TIMP2: variants seen among roughly 807,000 people sequenced by gnomAD.
The protein encoded by TIMP2 is metalloproteinase inhibitor 2.
Under a neutral mutation model 24.3 loss-of-function variants are expected in TIMP2, and 5 were observed. That is an observed-to-expected ratio of 0.21 (90% CI 0.11 to 0.43). TIMP2 has a LOEUF of 0.43. TIMP2 is among the 20% of genes least tolerant of loss of function. The pLI is 1.00. For synonymous variants in TIMP2, 130 were observed against 123.2 expected, an observed-to-expected ratio of 1.06 and a Z score of -0.37; for missense variants, 221 against 297.5, an observed-to-expected ratio of 0.74 and a Z score of 1.89.
At chr17:78,895,544 T>C (rs2069986514) in intron 1 of TIMP2, among the ~76,000 whole-genome samples, 1 of 152,028 alleles carries the variant, frequency 6.6e-6, no homozygotes, top group Non-Finnish European at 1.5e-5. Context: ...GAATGGAAAA[T>C]GGTGCAGCCA....
At chr17:78,906,332 C>T (rs185927805) in intron 1 of TIMP2, among the ~76,000 whole-genome samples, 4 of 152,108 alleles carry the variant, frequency 2.6e-5, no homozygotes, top group African/African-American at 9.7e-5. Context: ...CATGCCACTG[C>T]ACTCCAGCCT....
chr17:78,854,314 T>C lies in TIMP2; in HGVS notation c.*1353A>G, dbSNP rs1599142212. 6.6e-6 allele frequency: 1 copy of C among 152,012 alleles called. No individual in the cohort carries two copies. The highest frequency in any genetic ancestry group is 2.1e-4 in the South Asian group (1 of 4,796). 9.4% of individuals were successfully genotyped at this position (152,012 alleles called of 1,614,324 possible). ...AAAGTTCTTCCTATCCTAACCCCCATATCACTGGCTTCAGGAAACCACACT... is the reference window on the plus strand; with the variant it reads ...AAAGTTCTTCCTATCCTAACCCCCACATCACTGGCTTCAGGAAACCACACT... On this transcript the variant is annotated 3_prime_UTR_variant, in exon 5 of 5. Transcript: ENST00000262768.
chr17:78,909,711 A>C (rs1168644347), intron 1 of TIMP2, among the ~76,000 whole-genome samples: 2 of 152,092 alleles, frequency 1.3e-5, no homozygotes, highest in East Asian at 3.9e-4. Context: ...GTTTCTGTAC[A>C]TGCTCTAGAC....
chr17:78,918,843 T>TA (rs778510371), intron 1 of TIMP2, among the ~76,000 whole-genome samples: 5 of 151,670 alleles, frequency 3.3e-5, no homozygotes, highest in Admixed American at 6.6e-5. Context: ...TACAAAAAAT[T>TA]AAAAAAATTA....
intron 3 of TIMP2, among the ~76,000 whole-genome samples, chr17:78,863,501 C>CA (rs2069583903): frequency 6.6e-6 from 1 of 152,198 alleles, no homozygotes; most frequent in African/African-American, 2.4e-5. Flanking sequence ...CTCAGCCTCT[C>CA]AAAGTGCTGG....
intron 1 of TIMP2, among the ~76,000 whole-genome samples, chr17:78,893,162 T>TGTGTGTGCATACATGTGTGTGCAGGG (rs1323782255): frequency 1.4e-5 from 2 of 139,498 alleles, no homozygotes; most frequent in Non-Finnish European, 3.1e-5. Flanking sequence ...TGTGCAGGGG[T>TGTGTGTGCATACATGTGTGTGCAGGG]GTGTGTGCAT....
chr17:78,892,407 G>T, intron 1 of TIMP2: 1 of 1,550,544 alleles, frequency 6.4e-7, no homozygotes, highest in Non-Finnish European at 8.7e-7. Context: ...GAGGGTTCAA[G>T]GGGCGCCCCC....
intron 3 of TIMP2, among the ~76,000 whole-genome samples, chr17:78,859,272 T>C (rs1177957073): frequency 6.6e-6 from 1 of 152,154 alleles, no homozygotes; most frequent in African/African-American, 2.4e-5. Context: ...ACATTGGCAA[T>C]AGCCTTGGCG....
chr17:78,858,668 G>C (rs2069544856), intron 3 of TIMP2, among the ~76,000 whole-genome samples: 1 of 152,006 alleles, frequency 6.6e-6, no homozygotes, highest in South Asian at 2.1e-4. Flanking sequence ...CTATAGGTGT[G>C]AACCACTACA....
intron 1 of TIMP2, chr17:78,890,955 G>A: frequency 6.4e-7 from 1 of 1,551,088 alleles, no homozygotes; most frequent in Non-Finnish European, 8.7e-7. Flanking sequence ...AGCGATTCCA[G>A]TTGTTTTTGT....
Position 78,870,881 on chromosome 17 carries a change from G to A in TIMP2, c.340+17C>T. Reference sequence around the variant, plus strand: ...CTTCTGTGCCAGCCTCCGGCTGATGGCCCCACTCATACACACCTGCAATGA... The same window carrying A: ...CTTCTGTGCCAGCCTCCGGCTGATGACCCCACTCATACACACCTGCAATGA... On this transcript the variant is annotated intron_variant, in intron 3 of 4. Transcript: ENST00000262768. 6.2e-7 allele frequency: 1 copy of A among 1,604,654 alleles called. No individual in the cohort carries two copies.
Position 78,855,973 on chromosome 17 carries a change from G to T in TIMP2, c.466-109C>A. 1 of 1,118,742 alleles carries T rather than the reference G, an allele frequency of 8.9e-7. No homozygotes were observed. Among genetic ancestry groups the T allele is most frequent in the Non-Finnish European group, 1.3e-6 (1 of 759,862 alleles). The allele number at this position is 1,118,742 out of a possible 1,614,324, so 69.3% of individuals were successfully genotyped here. A position where few individuals can be genotyped will look rare whatever the true frequency, so the allele number is the denominator to read the frequency against. ...CCGGCAATGTGCCTACCTGTCATGT[G>T]CAGGGATGGCAGCCTCTCCCGAGAC... is the stretch of plus-strand genomic sequence containing the variant. On this transcript the variant is annotated intron_variant, in intron 4 of 4. Coordinates refer to ENST00000262768, the MANE Select transcript of TIMP2 (RefSeq NM_003255.5). The surrounding 1 kb of genome is among the most constrained non-coding windows in gnomAD (Gnocchi z 6.0).
At chr17:78,916,754 C>A (rs556377737) in intron 1 of TIMP2, among the ~76,000 whole-genome samples, 1 of 152,206 alleles carries the variant, frequency 6.6e-6, no homozygotes, top group African/African-American at 2.4e-5. Flanking sequence ...GTCCCACTGC[C>A]GGGCCTCCAG....
intron 1 of TIMP2, among the ~76,000 whole-genome samples, chr17:78,915,542 CAG>C (rs2070249760): frequency 1.3e-5 from 2 of 150,326 alleles, no homozygotes; most frequent in African/African-American, 2.5e-5. Context: ...TTTTTTGAGA[CAG>C]AGTCTCACTC....
chr17:78,894,322 A>T (rs753405678), intron 1 of TIMP2, among the ~76,000 whole-genome samples: 3 of 151,780 alleles, frequency 2.0e-5, no homozygotes, highest in Non-Finnish European at 4.4e-5. Context: ...CCTTTGACCA[A>T]CCTCAGGTGG....
intron 1 of TIMP2, among the ~76,000 whole-genome samples, chr17:78,880,701 G>C (rs116072279): frequency 3.9e-5 from 6 of 152,172 alleles, no homozygotes; most frequent in South Asian, 4.1e-4. Context: ...CCCTGCCTTT[G>C]AAAGAAAAAG....
intron 3 of TIMP2, among the ~76,000 whole-genome samples, chr17:78,862,027 G>A (rs747469837): frequency 1.6e-4 from 24 of 152,186 alleles, no homozygotes; most frequent in Admixed American, 2.6e-4. Context: ...CGAGAAAAGC[G>A]AGGCATGAGT....
At chr17:78,866,873 G>A (rs1000465966) in intron 3 of TIMP2, among the ~76,000 whole-genome samples, 19 of 152,162 alleles carry the variant, frequency 1.2e-4, no homozygotes, top group Non-Finnish European at 2.9e-5. Flanking sequence ...AGGGCTGGGG[G>A]AGGGGGAGGG....
intron 1 of TIMP2, among the ~76,000 whole-genome samples, chr17:78,882,099 G>C (rs1312900947): frequency 6.6e-6 from 1 of 152,192 alleles, no homozygotes; most frequent in Non-Finnish European, 1.5e-5. Flanking sequence ...GGAGTAGCTG[G>C]GATTACAGGT....
Sources: gnomAD v4.1 joint callset for allele counts (sites outside exome capture counted in the v4.1 genomes callset) on GRCh38, gnomAD v4.1.1 for gene constraint, Gnocchi (gnomAD v3.1) non-coding constraint, MANE v1.5 for transcripts, NCBI Gene and HGNC (gene_info 2026-07-23, HGNC 2026-07-21) for gene names.